The following IQCH variants were observed in gnomAD, a reference collection of about 807,000 sequenced individuals.
IQCH encodes IQ domain-containing protein H.
IQCH carries 98 observed loss-of-function variants against 117.0 expected under a neutral mutation model. The observed-to-expected ratio is 0.84, with a 90% confidence interval of 0.71 to 0.99. The LOEUF (loss-of-function observed/expected upper bound fraction) is 0.99. IQCH is among the 50% of genes least tolerant of loss of function. The pLI is 0.00. For missense variants in IQCH, 1,102 were observed against 1,243.8 expected (o/e 0.89, Z 1.72); for synonymous variants, 412 against 448.2 (o/e 0.92, Z 1.02).
chr15:67,441,226 G>C (rs2082265020), intron 16 of IQCH, among the ~76,000 whole-genome samples: 3 of 137,892 alleles, frequency 2.2e-5, no homozygotes, highest in Admixed American at 7.4e-5. Flanking sequence ...ACTGCTGAAA[G>C]AAATCACAGA....
chr15:67,266,612 G>A (rs1345325034), intron 3 of IQCH, among the ~76,000 whole-genome samples: 1 of 152,134 alleles, frequency 6.6e-6, no homozygotes, highest in Non-Finnish European at 1.5e-5. Flanking sequence ...AGCCGAGATT[G>A]TGCCACTGCA....
chr15:67,477,527 C>T (rs1188142050), intron 18 of IQCH, among the ~76,000 whole-genome samples: 1 of 152,142 alleles, frequency 6.6e-6, no homozygotes, highest in Admixed American at 6.5e-5. Context: ...CTTGGATCCC[C>T]TTGCAAATTA....
At chr15:67,339,788 G>A (rs1338170183) in intron 5 of IQCH, among the ~76,000 whole-genome samples, 2 of 152,224 alleles carry the variant, frequency 1.3e-5, no homozygotes, top group East Asian at 3.9e-4. Context: ...TACATAGGTG[G>A]GGCAAGAATG....
At chr15:67,410,395 C>T (rs2081419436) in intron 14 of IQCH, among the ~76,000 whole-genome samples, 2 of 152,210 alleles carry the variant, frequency 1.3e-5, no homozygotes, top group South Asian at 4.1e-4. Flanking sequence ...TACTACACTC[C>T]ATTCTAAGGC....
chr15:67,400,081 G>A, intron 13 of IQCH, 33 bp from the exon 14 acceptor site: 1 of 1,581,710 alleles, frequency 6.3e-7, no homozygotes, highest in Non-Finnish European at 8.7e-7. Context: ...GAAATGAACT[G>A]TATTAAATGC....
chr15:67,344,219 T>C (rs770407983), intron 6 of IQCH, 28 bp downstream of exon 6: 7 of 1,606,382 alleles, frequency 4.4e-6, no homozygotes, highest in African/African-American at 1.3e-5. Flanking sequence ...CTCAGTTCAG[T>C]TGGGGACACA....
chr15:67,340,064 A>T (rs140655631), intron 5 of IQCH, among the ~76,000 whole-genome samples: 31 of 152,320 alleles, frequency 2.0e-4, no homozygotes, highest in Admixed American at 1.6e-3. Context: ...TGTAAGCCAT[A>T]TACCAGGCTA....
chr15:67,395,355 A>T lies in IQCH; in HGVS notation c.1697A>T (p.Asn566Ile), dbSNP rs560917234. Residue 566 changes from asparagine to isoleucine, a missense_variant, in exon 13 of 21, where the codon AAT becomes ATT. By Grantham distance (149) the Asn-to-Ile change is moderately radical. Around this residue, in one of 2 missense-constraint regions of IQCH, gnomAD observed 650 missense variants for 794.3 expected, o/e 0.82. Transcript: ENST00000335894. This position sits in a 1 kb window ranked among gnomAD's most constrained non-coding sequence, Gnocchi z 4.0. The part of the protein sequence containing the change: ...YSPKAIKRIK[N>I]LIRGTEAYIV... ...CCCAAGGCAATCAAAAGAATAAAAA[A>T]TCTCATCCGAGGAACAGAGGCCTAC... is the stretch of plus-strand genomic sequence containing the variant. 1 of 1,613,934 alleles carries T rather than the reference A, an allele frequency of 6.2e-7. No homozygotes were observed. The highest frequency in any genetic ancestry group is 2.2e-5 in the East Asian group (1 of 44,890).
intron 4 of IQCH, among the ~76,000 whole-genome samples, chr15:67,305,646 G>A (rs1967257994): frequency 6.6e-6 from 1 of 152,056 alleles, no homozygotes; most frequent in Non-Finnish European, 1.5e-5. Flanking sequence ...AATTAATATT[G>A]GCTTAGCTGG....
At position 67,494,479 on chromosome 15, in the gene IQCH, C is replaced by T; in HGVS notation, c.2970+113C>T. 1.5e-6 allele frequency: 1 copy of T among 673,868 alleles called. No individual in the cohort carries two copies. The highest frequency in any genetic ancestry group is 2.9e-5 in the Admixed American group (1 of 34,178). 41.7% of individuals were successfully genotyped at this position (673,868 alleles called of 1,614,324 possible). ...CATCTTTTTTTTATTGTAAGCAGTACATATTTTACAGTGTGCAGGGTCAAT... is the reference window on the plus strand; with the variant it reads ...CATCTTTTTTTTATTGTAAGCAGTATATATTTTACAGTGTGCAGGGTCAAT... On this transcript the variant is annotated intron_variant, in intron 20 of 20. Coordinates refer to ENST00000335894, the MANE Select transcript of IQCH (RefSeq NM_001031715.3). The surrounding 1 kb of genome is among the most constrained non-coding windows in gnomAD (Gnocchi z 5.5).
In IQCH at chr15:67,500,971, A is replaced by C. The variant is rs2083965846; in HGVS notation, c.*225A>C. On this transcript the variant is annotated 3_prime_UTR_variant, in exon 21 of 21. Coordinates refer to ENST00000335894, the MANE Select transcript of IQCH (RefSeq NM_001031715.3). This position sits in a 1 kb window ranked among gnomAD's most constrained non-coding sequence, Gnocchi z 4.4. Reference sequence around the variant, plus strand: ...TTTGTGTTTTCATTTGAGAGTGTTGAACAATCCCTTCTTCTTCTCAAACTC... The same window carrying C: ...TTTGTGTTTTCATTTGAGAGTGTTGCACAATCCCTTCTTCTTCTCAAACTC... The C allele has an allele frequency of 3.2e-6, 1 of 308,150 alleles. No individual in the cohort carries two copies. Among genetic ancestry groups the C allele is most frequent in the African/African-American group, 2.2e-5 (1 of 46,208 alleles). The allele number at this position is 308,150 out of a possible 1,614,324, so 19.1% of individuals were successfully genotyped here. A position where few individuals can be genotyped will look rare whatever the true frequency, so the allele number is the denominator to read the frequency against.
rs1035217800 is a variant in IQCH, at chr15:67,447,153, T to C, written c.2506-17974T>C. Among the ~76,000 whole-genome samples, 8 of 152,206 alleles carry C rather than the reference T, an allele frequency of 5.3e-5. No individual in the cohort carries two copies. The highest frequency in any genetic ancestry group is 1.9e-4 in the African/African-American group (8 of 41,452). ...TCTTTGAGCCTCAATTTTCCCTTCA[T>C]AAAATGGGAGTATGAATACCAAACC... On this transcript the variant is annotated intron_variant, in intron 16 of 20. Coordinates refer to ENST00000335894, the MANE Select transcript of IQCH (RefSeq NM_001031715.3). This position sits in a 1 kb window ranked among gnomAD's most constrained non-coding sequence, Gnocchi z 5.3.
intron 1 of IQCH, 108 bp from the exon 2 acceptor site, chr15:67,261,164 T>A: frequency 1.4e-6 from 1 of 704,112 alleles, no homozygotes; most frequent in Non-Finnish European, 2.2e-6. Context: ...TAAAATCAGC[T>A]TTGTGTCTCT....
intron 8 of IQCH, among the ~76,000 whole-genome samples, chr15:67,368,301 C>T (rs1194746006): frequency 6.6e-6 from 1 of 152,198 alleles, no homozygotes; most frequent in African/African-American, 2.4e-5. Context: ...GAATTCCGGA[C>T]CGCTGATTAG....
chr15:67,310,647 A>G (rs1225048354), intron 4 of IQCH, among the ~76,000 whole-genome samples: 1 of 152,134 alleles, frequency 6.6e-6, no homozygotes, highest in Non-Finnish European at 1.5e-5. Context: ...ATATCATGAT[A>G]GTGTAGCATC....
At chr15:67,290,493 G>T (rs919625988) in intron 4 of IQCH, among the ~76,000 whole-genome samples, 2 of 152,076 alleles carry the variant, frequency 1.3e-5, no homozygotes, top group Non-Finnish European at 2.9e-5. Flanking sequence ...GCTAGTCTGA[G>T]TTGCACAATT....
intron 8 of IQCH, among the ~76,000 whole-genome samples, chr15:67,363,659 G>A (rs890418301): frequency 6.6e-6 from 1 of 152,102 alleles, no homozygotes; most frequent in Non-Finnish European, 1.5e-5. Context: ...TCATCACCCA[G>A]GTAATAAGCA....
chr15:67,345,532 G>A (rs1969349421), intron 6 of IQCH, among the ~76,000 whole-genome samples: 1 of 152,134 alleles, frequency 6.6e-6, no homozygotes, highest in Non-Finnish European at 1.5e-5. Flanking sequence ...GACACGATGA[G>A]GAAGGACTTC....
In IQCH at chr15:67,493,115, A is replaced by ACAT. The variant is rs1315726377; in HGVS notation, c.2862-1142_2862-1140dup. 6.6e-6 allele frequency among the ~76,000 whole-genome samples: 1 copy of ACAT among 152,196 alleles called. No individual in the cohort carries two copies. ...ACATCCTTCAGGGAGGGCACAGTTG[A>ACAT]CATGGACCTCTCGAAAGCCTTTAGT... On this transcript the variant is annotated intron_variant, in intron 19 of 20. Coordinates refer to ENST00000335894, the MANE Select transcript of IQCH (RefSeq NM_001031715.3). This position sits in a 1 kb window ranked among gnomAD's most constrained non-coding sequence, Gnocchi z 5.1.
Sources: allele counts gnomAD v4.1 joint callset (sites outside exome capture counted in the v4.1 genomes callset), GRCh38; gene constraint gnomAD v4.1.1; regional missense constraint gnomAD v4.1.1; non-coding constraint Gnocchi (gnomAD v3.1); transcripts MANE v1.5; gene names NCBI Gene and HGNC (gene_info 2026-07-23, HGNC 2026-07-21).